The following POLQ variants were observed in gnomAD, a reference collection of about 807,000 sequenced individuals.
POLQ encodes DNA polymerase theta.
Under a neutral mutation model 259.2 loss-of-function variants are expected in POLQ, and 233 were observed. The observed-to-expected ratio is 0.90, with a 90% CI of 0.81 to 1.00. The LOEUF (loss-of-function observed/expected upper bound fraction) is 1.00, where lower values mean the gene tolerates loss of function less well. Among genes scored for constraint, POLQ ranks in the 50% least tolerant of loss-of-function variants. The pLI, the probability that POLQ is intolerant of heterozygous loss-of-function variation, is 0.00. For synonymous variants in POLQ, 1,025 were observed against 1,048.8 expected, an observed-to-expected ratio of 0.98 and a Z score of 0.44; for missense variants, 2,871 against 3,051.6, an observed-to-expected ratio of 0.94 and a Z score of 1.39.
chr3:121,541,951 C>T (rs147401964), intron 2 of POLQ, among the ~76,000 whole-genome samples: 1,566 of 151,728 alleles, frequency 0.01, 28 homozygotes, highest in African/African-American at 0.036. Flanking sequence ...ATGGTAAAAC[C>T]CCATCTCTAT....
intron 24 of POLQ, among the ~76,000 whole-genome samples, chr3:121,461,453 C>T (rs1296089886): frequency 6.6e-6 from 1 of 151,982 alleles, no homozygotes; most frequent in Non-Finnish European, 1.5e-5. Context: ...GAGATCGAGA[C>T]CATCCTGGCC....
Position 121,493,475 on chromosome 3 carries a change from T to C in POLQ, c.2522+3A>G, listed in dbSNP as rs371156427. On this transcript the variant is annotated splice_donor_region_variant and intron_variant, in intron 15 of 29. Transcript: ENST00000264233. The stretch of plus-strand genomic sequence containing the variant: ...GCCCATGTAGGTAAAGGTATTTTCT[T>C]ACCTTTTGAAAGGCACAGCATTTTT... 6.2e-7 allele frequency: 1 copy of C among 1,609,936 alleles called. No homozygotes were observed. Among genetic ancestry groups the C allele is most frequent in the African/African-American group, 1.3e-5 (1 of 74,786 alleles).
intron 22 of POLQ, among the ~76,000 whole-genome samples, chr3:121,470,599 C>T (rs1403257196): frequency 6.6e-6 from 1 of 151,976 alleles, no homozygotes; most frequent in Non-Finnish European, 1.5e-5. Context: ...CTGTTATTAC[C>T]TTATTCGTTT....
chr3:121,462,009 G>C (rs1349809277), intron 24 of POLQ, among the ~76,000 whole-genome samples: 2 of 152,034 alleles, frequency 1.3e-5, no homozygotes, highest in Non-Finnish European at 2.9e-5. Flanking sequence ...AATCCAATAT[G>C]CTCCAAAATC....
At chr3:121,502,894 G>A (rs1390717536) in intron 12 of POLQ, among the ~76,000 whole-genome samples, 1 of 151,830 alleles carries the variant, frequency 6.6e-6, no homozygotes, top group African/African-American at 2.4e-5. Context: ...AATTAAGTTA[G>A]TATAAATTTT....
chr3:121,446,699 T>C (rs761808568), intron 26 of POLQ, among the ~76,000 whole-genome samples: 1 of 152,210 alleles, frequency 6.6e-6, no homozygotes, highest in Non-Finnish European at 1.5e-5. Flanking sequence ...CATTATATAA[T>C]GACCTTCTGT....
At chr3:121,458,962 G>A (rs761427357) in intron 25 of POLQ, among the ~76,000 whole-genome samples, 3 of 152,226 alleles carry the variant, frequency 2.0e-5, no homozygotes, top group Non-Finnish European at 2.9e-5. Context: ...GGATCTCAGA[G>A]TACGGTGGTG....
chr3:121,519,272 C>A (rs1262988310), intron 9 of POLQ, among the ~76,000 whole-genome samples: 1 of 150,750 alleles, frequency 6.6e-6, no homozygotes, highest in Non-Finnish European at 1.5e-5. Flanking sequence ...AAGAAGTCAT[C>A]TTGATTTACA....
intron 6 of POLQ, among the ~76,000 whole-genome samples, chr3:121,530,157 A>AT (rs571865987): frequency 1.3e-4 from 20 of 151,786 alleles, no homozygotes; most frequent in African/African-American, 2.7e-4. Flanking sequence ...GGACTTTATG[A>AT]TTTTTTTTTA....
At chr3:121,545,651 C>G (rs778201228) in intron 1 of POLQ, 64 bp downstream of exon 1, 83 of 1,464,438 alleles carry the variant, frequency 5.7e-5, no homozygotes, top group Non-Finnish European at 7.5e-5. Context: ...GTGAGGACAC[C>G]TCCCGACCCA....
intron 12 of POLQ, among the ~76,000 whole-genome samples, chr3:121,507,390 T>C (rs1029169869): frequency 6.6e-6 from 1 of 152,178 alleles, no homozygotes; most frequent in Non-Finnish European, 1.5e-5. Flanking sequence ...ATATATTGTC[T>C]AAGAAATCCA....
chr3:121,534,313 GC>G (rs1357889981), intron 5 of POLQ, among the ~76,000 whole-genome samples: 1 of 151,510 alleles, frequency 6.6e-6, no homozygotes, highest in Non-Finnish European at 1.5e-5. Flanking sequence ...AGTTTATCAA[GC>G]TTTCTGTTGC....
At chr3:121,432,856 G>A in intron 29 of POLQ, 62 bp downstream of exon 29, 2 of 974,608 alleles carry the variant, frequency 2.1e-6, no homozygotes, top group Non-Finnish European at 3.3e-6. Context: ...AAACAAAGCT[G>A]TCGGCCTGAC....
At chr3:121,485,699 A>G (rs1241871491) in intron 16 of POLQ, among the ~76,000 whole-genome samples, 4 of 152,220 alleles carry the variant, frequency 2.6e-5, no homozygotes, top group African/African-American at 4.8e-5. Context: ...ACTGGCACAT[A>G]GGAACTTAGT....
At chr3:121,524,613 G>C (rs1285255515) in intron 7 of POLQ, among the ~76,000 whole-genome samples, 1 of 152,000 alleles carries the variant, frequency 6.6e-6, no homozygotes, top group Non-Finnish European at 1.5e-5. Context: ...AAGCAAGCTA[G>C]ATACAAAAGA....
chr3:121,460,597 T>A (rs981083005), intron 24 of POLQ, among the ~76,000 whole-genome samples: 1 of 152,214 alleles, frequency 6.6e-6, no homozygotes, highest in Non-Finnish European at 1.5e-5. Flanking sequence ...ATTTTCCTTT[T>A]CATTCTACAG....
chr3:121,436,008 G>A (rs1481744834), intron 28 of POLQ, 114 bp downstream of exon 28: 1 of 865,870 alleles, frequency 1.2e-6, no homozygotes, highest in Non-Finnish European at 1.8e-6. Context: ...AAGACATCAT[G>A]AGACCAAAAC....
chr3:121,545,699 C>G lies in POLQ; in HGVS notation c.163+16G>C. 1 of 1,540,022 alleles carries G rather than the reference C, an allele frequency of 6.5e-7. No individual in the cohort carries two copies. The highest frequency in any genetic ancestry group is 2.4e-5 in the East Asian group (1 of 41,088). On this transcript the variant is annotated intron_variant, in intron 1 of 29. Coordinates refer to ENST00000264233, the MANE Select transcript of POLQ (RefSeq NM_199420.4). Reference sequence around the variant, plus strand: ...GCTGCCCCCGTTGCCCGCGGCCTCCCGGGTTCCTGGAGCACCTGCAGCTGC... The same window carrying G: ...GCTGCCCCCGTTGCCCGCGGCCTCCGGGGTTCCTGGAGCACCTGCAGCTGC...
Position 121,488,574 on chromosome 3 carries a change from C to T in POLQ, c.4357G>A (p.Glu1453Lys), listed in dbSNP as rs781032737. 3 of 1,611,268 alleles carry T rather than the reference C, an allele frequency of 1.9e-6. No individual in the cohort carries two copies. Among genetic ancestry groups the T allele is most frequent in the Non-Finnish European group, 1.7e-6 (2 of 1,179,138 alleles). The stretch of plus-strand genomic sequence containing the variant: ...AGAAGTATAACTGGTTTCACAGTTT[C>T]TTGTGTTTGATAACCTTGAAGAAAA... ...NSFLQGYQTQ[E>K]TVKPVILLIP... The change falls in exon 16 of 30, where the codon GAA becomes AAA. Residue 1453 changes from glutamate to lysine, a missense_variant. Physicochemically the swap from Glu to Lys is moderately conservative, Grantham distance 56. Around this residue, in one of 3 missense-constraint regions of POLQ, gnomAD observed 2,080 missense variants for 2,126.0 expected, o/e 0.98. Coordinates refer to ENST00000264233, the MANE Select transcript of POLQ (RefSeq NM_199420.4).
Sources: allele counts gnomAD v4.1 joint callset (sites outside exome capture counted in the v4.1 genomes callset), GRCh38; gene constraint gnomAD v4.1.1; regional missense constraint gnomAD v4.1.1; transcripts MANE v1.5; gene names NCBI Gene and HGNC (gene_info 2026-07-23, HGNC 2026-07-21).